MAP3K19: variants seen among roughly 807,000 people sequenced by gnomAD.
The protein encoded by MAP3K19 is mitogen-activated protein kinase kinase kinase 19, also known as SPS1/STE20-related protein kinase YSK4.
Under a neutral mutation model 114.4 loss-of-function variants are expected in MAP3K19, and 91 were observed. The ratio of observed to expected loss-of-function variants is 0.80; its 90% CI spans 0.67 to 0.95. The LOEUF (loss-of-function observed/expected upper bound fraction) is 0.95, where lower values mean the gene tolerates loss of function less well. MAP3K19 is among the 40% of genes least tolerant of loss of function. The probability of loss-of-function intolerance (pLI) is 0.00; values close to 1 mark genes in which losing one functional copy is unlikely to be tolerated. For missense variants in MAP3K19, 1,471 were observed against 1,573.2 expected (o/e 0.94, Z 1.10); for synonymous variants, 518 against 530.5 (o/e 0.98, Z 0.32).
At position 134,981,269 on chromosome 2, in the gene MAP3K19, A is replaced by G. The variant is rs1684635452; in HGVS notation, c.3472T>C (p.Leu1158=). 4.3e-6 allele frequency: 7 copies of G among 1,614,254 alleles called. No individual in the cohort carries two copies. In the East Asian group the frequency reaches 1.6e-4, roughly 36 times the overall value. ...ISSIINRFGP[L]PEMVFCKYTK... is the part of the protein sequence containing the mutation. ...TATTTACAGAACACCATCTCAGGCA[A>G]TGGCCCAAAACGGTTTATAATACTA... The change falls in exon 12 of 13, where the codon TTG becomes CTG. Residue 1158 remains leucine, a synonymous_variant. Transcript: ENST00000392915.
chr2:135,007,514 T>C (rs993664292), intron 5 of MAP3K19, among the ~76,000 whole-genome samples: 25 of 152,210 alleles, frequency 1.6e-4, no homozygotes, highest in African/African-American at 6.0e-4. Flanking sequence ...TACTAGTTCT[T>C]ACTCTTTCTT....
chr2:134,980,732 C>T, intron 12 of MAP3K19, 89 bp downstream of exon 12: 1 of 1,226,936 alleles, frequency 8.2e-7, no homozygotes, highest in Non-Finnish European at 1.1e-6. Flanking sequence ...CAAAACAGAG[C>T]TTTTAATGGG....
rs117969030 is a variant in MAP3K19 at position 134,972,666 on chromosome 2, G to A, written c.3921-7750C>T. On this transcript the variant is annotated intron_variant, in intron 12 of 12. Transcript: ENST00000392915. Reference sequence around the variant, plus strand: ...TACCCAGGCTGGTCTTGAACTCTTGGCTTCAAGTGATCCTCCCACCTTGGC... The same window carrying A: ...TACCCAGGCTGGTCTTGAACTCTTGACTTCAAGTGATCCTCCCACCTTGGC... Among the ~76,000 whole-genome samples the A allele has an allele frequency of 2.5e-3, 386 of 151,922 alleles. 2 individuals are homozygous for A. The highest frequency in any genetic ancestry group is 0.019 in the Admixed American group (290 of 15,256).
At chr2:135,033,105 GC>G (rs1261412915) in intron 2 of MAP3K19, among the ~76,000 whole-genome samples, 10 of 125,394 alleles carry the variant, frequency 8.0e-5, no homozygotes, top group Non-Finnish European at 3.2e-5. Flanking sequence ...TGTCATCATG[GC>G]CCGTTCTCAA....
intron 3 of MAP3K19, 24 bp from the exon 4 acceptor site, chr2:135,024,765 A>G (rs1251100068): frequency 1.2e-6 from 1 of 844,544 alleles, no homozygotes; most frequent in African/African-American, 1.7e-5. Context: ...AATCAACATT[A>G]AAGTTTATTT....
intron 5 of MAP3K19, among the ~76,000 whole-genome samples, chr2:135,014,349 A>C (rs774815825): frequency 9.2e-5 from 14 of 151,970 alleles, no homozygotes; most frequent in Non-Finnish European, 1.3e-4. Flanking sequence ...TGACAGAGTG[A>C]GACCCTGTCT....
At position 135,005,338 on chromosome 2, in the gene MAP3K19, G is replaced by A. The variant is rs1686737611; in HGVS notation, c.235+97C>T. ...TACCCTCTGATAGGCTCCAGTGTAT[G>A]TTGTTCAAACTTCTACAATAAGCCC... On this transcript the variant is annotated intron_variant, in intron 6 of 12. Transcript: ENST00000392915. 8 of 896,196 alleles carry A rather than the reference G, an allele frequency of 8.9e-6. No individual in the cohort carries two copies. In the Admixed American group the frequency reaches 1.5e-4, roughly 17 times the overall value. The allele number at this position is 896,196 out of a possible 1,614,324, so 55.5% of individuals were successfully genotyped here.
chr2:135,014,473 G>T (rs1415111232), intron 5 of MAP3K19, among the ~76,000 whole-genome samples: 2 of 152,170 alleles, frequency 1.3e-5, no homozygotes, highest in Admixed American at 1.3e-4. Context: ...CACAGGTACA[G>T]GTATCCACAG....
intron 12 of MAP3K19, among the ~76,000 whole-genome samples, chr2:134,979,975 C>T (rs1684518272): frequency 6.6e-6 from 1 of 152,142 alleles, no homozygotes; most frequent in African/African-American, 2.4e-5. Context: ...AGATGGGACA[C>T]TGGAGTTTTT....
In MAP3K19 at chr2:134,988,068, T is replaced by C. The variant is rs1685295892; in HGVS notation, c.804A>G (p.Leu268=). 3 of 1,613,736 alleles carry C rather than the reference T, an allele frequency of 1.9e-6. No homozygotes were observed. In the East Asian group the frequency reaches 6.7e-5, roughly 36 times the overall value. Residue 268 remains leucine, a synonymous_variant, in exon 10 of 13, where the codon CTA becomes CTG. Coordinates refer to ENST00000392915, the MANE Select transcript of MAP3K19 (RefSeq NM_025052.5). ...GAGTCGGATCCATCAACGACTTAAC[T>C]AGGGCTCCCGGAGGCTCGTTTGATG... ...LSPSNEPPGA[L]VKSLMDPTLR...
chr2:135,024,685 A>G lies in MAP3K19; in HGVS notation c.-38T>C. 6.3e-7 allele frequency: 1 copy of G among 1,592,644 alleles called. No individual in the cohort carries two copies. Among genetic ancestry groups the G allele is most frequent in the Non-Finnish European group, 8.6e-7 (1 of 1,161,048 alleles). On this transcript the variant is annotated 5_prime_UTR_variant, in exon 4 of 13. An upstream open reading frame in the 5' UTR loses its in-frame stop. Transcript: ENST00000392915. Reference sequence around the variant, plus strand: ...AAGCTGCTGTTTCTTTGAACTCTCTATTTGTGACACATAATGTATTGCTGA... The same window carrying G: ...AAGCTGCTGTTTCTTTGAACTCTCTGTTTGTGACACATAATGTATTGCTGA...
chr2:135,025,547 G>A (rs1007297406), intron 3 of MAP3K19, among the ~76,000 whole-genome samples: 5 of 151,794 alleles, frequency 3.3e-5, no homozygotes, highest in Non-Finnish European at 7.4e-5. Flanking sequence ...CACCATGCCC[G>A]GCTAATTTTT....
intron 6 of MAP3K19, among the ~76,000 whole-genome samples, chr2:135,005,072 C>A (rs879755444): frequency 2.0e-5 from 3 of 152,148 alleles, no homozygotes; most frequent in Non-Finnish European, 4.4e-5. Flanking sequence ...AGATATGGAC[C>A]AAAAGGTAGT....
rs1685135808 is a variant in MAP3K19 at position 134,986,663 on chromosome 2, T to C, written c.2209A>G (p.Lys737Glu). The C allele has an allele frequency of 6.2e-7, 1 of 1,614,212 alleles. No individual in the cohort carries two copies. The highest frequency in any genetic ancestry group is 2.2e-5 in the East Asian group (1 of 44,884). Residue 737 changes from lysine to glutamate, a missense_variant, in exon 10 of 13, where the codon AAA becomes GAA. Lys to Glu is a moderately conservative substitution (Grantham distance 56). Transcript: ENST00000392915. ...KTSFGIKQEH[K>E]VLISKEKSSK... ...CTCTTTTCTTTAGAAATTAAGACTT[T>C]GTGCTCTTGTTTAATGCCAAATGAA...
chr2:135,022,471 A>G (rs2105373089), intron 4 of MAP3K19, among the ~76,000 whole-genome samples: 1 of 152,286 alleles, frequency 6.6e-6, no homozygotes, highest in Admixed American at 6.5e-5. Flanking sequence ...GCCTCTTCCA[A>G]CTAAACCCTG....
chr2:134,996,635 G>A (rs935410055), intron 8 of MAP3K19, among the ~76,000 whole-genome samples: 1 of 152,194 alleles, frequency 6.6e-6, no homozygotes, highest in African/African-American at 2.4e-5. Context: ...CCAGCAGAAA[G>A]AACAGTAGGT....
At chr2:134,970,424 T>C (rs796130832) in intron 12 of MAP3K19, among the ~76,000 whole-genome samples, 6 of 152,276 alleles carry the variant, frequency 3.9e-5, no homozygotes, top group African/African-American at 1.4e-4. Flanking sequence ...ATTGTTGGTA[T>C]ATAGAAACAC....
Position 135,021,720 on chromosome 2 carries a change from T to A in MAP3K19, c.133A>T (p.Ser45Cys). The A allele has an allele frequency of 6.2e-7, 1 of 1,603,890 alleles. No homozygotes were observed. The change falls in exon 5 of 13, where the codon AGT becomes TGT. Residue 45 changes from serine to cysteine, a missense_variant. Physicochemically the swap from Ser to Cys is moderately radical, Grantham distance 112. Coordinates refer to ENST00000392915, the MANE Select transcript of MAP3K19 (RefSeq NM_025052.5). ...QNIILQSISR[S>C]EEFDQDGDCS... ...CTTTAAAGGGAGGCTCTTACCTCAC[T>A]TCTGCTGATGCTTTGCAAGATGATG...
chr2:134,992,800 G>GCTGGGATTA (rs578231405), intron 8 of MAP3K19, among the ~76,000 whole-genome samples: 8 of 152,182 alleles, frequency 5.3e-5, no homozygotes, highest in African/African-American at 1.9e-4. Flanking sequence ...CTCCCGAGAA[G>GCTGGGATTA]CTGGGATTAC....
Sources: gnomAD v4.1 joint callset for allele counts (sites outside exome capture counted in the v4.1 genomes callset) on GRCh38, gnomAD v4.1.1 for gene constraint, MANE v1.5 for transcripts, NCBI Gene and HGNC (gene_info 2026-07-23, HGNC 2026-07-21) for gene names.